Variants in CSF2RB observed in about 807,000 individuals in gnomAD.
The protein encoded by CSF2RB is colony stimulating factor 2 receptor subunit beta, also known as cytokine receptor common subunit beta.
CSF2RB carries 22 observed loss-of-function variants against 67.2 expected under a neutral mutation model. The ratio of observed to expected loss-of-function variants is 0.33; its 90% CI spans 0.23 to 0.47. The LOEUF is 0.47. Among genes scored for constraint, CSF2RB ranks in the 20% least tolerant of loss-of-function variants. CSF2RB has a pLI of 1.00. For missense variants in CSF2RB, 1,113 were observed against 1,174.5 expected (o/e 0.95, Z 0.76); for synonymous variants, 507 against 482.9 (o/e 1.05, Z -0.65).
In CSF2RB at chr22:36,938,449, G is replaced by T; in HGVS notation, c.2641G>T (p.Asp881Tyr). The change falls in exon 14 of 14, where the codon GAC becomes TAC. Residue 881 changes from aspartate (D) to tyrosine (Y), a missense_variant. Physicochemically the swap from Asp to Tyr is radical, Grantham distance 160. Coordinates refer to ENST00000403662, the MANE Select transcript of CSF2RB (RefSeq NM_000395.3). The stretch of plus-strand genomic sequence containing the variant: ...GCTCTTCAAAGCCCTGAAGCAGCAG[G>T]ACTACCTGTCTCTGCCCCCTTGGGA... ...IQLFKALKQQ[D>Y]YLSLPPWEVN... 1 of 1,614,148 alleles carries T rather than the reference G, an allele frequency of 6.2e-7. No homozygotes were observed. The highest frequency in any genetic ancestry group is 8.5e-7 in the Non-Finnish European group (1 of 1,180,020).
Position 36,937,304 on chromosome 22 carries a change from CAA to C in CSF2RB, c.1569-72_1569-71del. 6.4e-7 allele frequency: 1 copy of C among 1,574,450 alleles called. No individual in the cohort carries two copies. On this transcript the variant is annotated intron_variant, in intron 13 of 13. Transcript: ENST00000403662. This position sits in a 1 kb window ranked among gnomAD's most constrained non-coding sequence, Gnocchi z 4.6. ...TTCCAGAGAACCATCTCCACCCCAC[CAA>C]GACCCTTGTGCCTGACCCGGATCAT...
In CSF2RB at chr22:36,922,273, A is replaced by G. The variant is rs1169750427; in HGVS notation, c.66A>G (p.Ala22=). The stretch of plus-strand genomic sequence containing the variant: ...CCCTGTGCTGGGAGCGCAGCCTGGC[A>G]GGGGCAGAAGGTGAGTCCCGTGGCT... ...LLALCWERSL[A]GAEETIPLQT... The change falls in exon 2 of 14, where the codon GCA becomes GCG. Residue 22 remains alanine (A), a synonymous_variant. Transcript: ENST00000403662. 3.2e-6 allele frequency: 5 copies of G among 1,575,768 alleles called. No homozygotes were observed.
At position 36,939,159 on chromosome 22, in the gene CSF2RB, G is replaced by A. The variant is rs1941337519; in HGVS notation, c.*657G>A. 1 of 702,320 alleles carries A rather than the reference G, an allele frequency of 1.4e-6. No individual in the cohort carries two copies. The highest frequency in any genetic ancestry group is 2.6e-6 in the Non-Finnish European group (1 of 384,824). 43.5% of individuals were successfully genotyped at this position (702,320 alleles called of 1,614,324 possible). A position where few individuals can be genotyped will look rare whatever the true frequency, so the allele number is the denominator to read the frequency against. ...GGGGGGCGGTGCAAGGGACGCACATGAGAGACTGTTTGGGAGCTTCTGGGG... is the reference window on the plus strand; with the variant it reads ...GGGGGGCGGTGCAAGGGACGCACATAAGAGACTGTTTGGGAGCTTCTGGGG... On this transcript the variant is annotated 3_prime_UTR_variant, in exon 14 of 14. Coordinates refer to ENST00000403662, the MANE Select transcript of CSF2RB (RefSeq NM_000395.3).
Position 36,938,057 on chromosome 22 carries a change from G to A in CSF2RB, c.2249G>A (p.Ser750Asn). 4.3e-6 allele frequency: 7 copies of A among 1,614,106 alleles called. No individual in the cohort carries two copies. The highest frequency in any genetic ancestry group is 5.9e-6 in the Non-Finnish European group (7 of 1,180,018). ...QTPSLCPGLA[S>N]GPPGAPGPVK... is the part of the protein sequence containing the mutation. Reference sequence around the variant, plus strand: ...CCCAGCTTATGTCCTGGGCTGGCCAGTGGACCCCCTGGAGCCCCAGGCCCT... The same window carrying A: ...CCCAGCTTATGTCCTGGGCTGGCCAATGGACCCCCTGGAGCCCCAGGCCCT... Residue 750 changes from serine (S) to asparagine (N), a missense_variant, in exon 14 of 14, where the codon AGT becomes AAT. This residue lies in a region of CSF2RB where 554 missense variants were observed against 517.9 expected (regional missense o/e 1.07). Coordinates refer to ENST00000403662, the MANE Select transcript of CSF2RB (RefSeq NM_000395.3).
chr22:36,916,960 C>T (rs528667812), intron 1 of CSF2RB, among the ~76,000 whole-genome samples: 1 of 152,272 alleles, frequency 6.6e-6, no homozygotes, highest in East Asian at 1.9e-4. Context: ...GGACATTGAC[C>T]ACTGGAAGTA....
rs373144953 is a variant in CSF2RB, at chr22:36,932,789, A to G, written c.1037A>G (p.Asn346Ser). The change falls in exon 9 of 14, where the codon AAC becomes AGC. Residue 346 changes from asparagine (N) to serine (S), a missense_variant. Asn to Ser is a conservative substitution (Grantham distance 46, BLOSUM62 1). Coordinates refer to ENST00000403662, the MANE Select transcript of CSF2RB (RefSeq NM_000395.3). ...GTCCAGATGGCCCCTCCATCCCTCA[A>G]CGTGACCAAGGATGGAGACAGCTAC... ...VNIQMAPPSL[N>S]VTKDGDSYSL... 3.1e-6 allele frequency: 5 copies of G among 1,613,958 alleles called. No homozygotes were observed. The African/African-American group carries it at 4.0e-5, about 13-fold the overall frequency.
chr22:36,938,554 C>A lies in CSF2RB; in HGVS notation c.*52C>A. 6.5e-7 allele frequency: 1 copy of A among 1,546,508 alleles called. No homozygotes were observed. Among genetic ancestry groups the A allele is most frequent in the Non-Finnish European group, 8.7e-7 (1 of 1,144,892 alleles). On this transcript the variant is annotated 3_prime_UTR_variant, in exon 14 of 14. Coordinates refer to ENST00000403662, the MANE Select transcript of CSF2RB (RefSeq NM_000395.3). ...GATGGAGAGGGCTTGCCTTCCCTCC[C>A]GCCTGACCTTCCTCAGTCATTTCTG...
intron 3 of CSF2RB, 34 bp downstream of exon 3, chr22:36,923,401 G>A: frequency 6.2e-7 from 1 of 1,607,320 alleles, no homozygotes; most frequent in Non-Finnish European, 8.5e-7. Context: ...CCACGGGCAG[G>A]GGCTACGACG....
At chr22:36,914,031 G>A (rs1350192727) in intron 1 of CSF2RB, among the ~76,000 whole-genome samples, 2 of 152,068 alleles carry the variant, frequency 1.3e-5, no homozygotes, top group Admixed American at 6.5e-5. Context: ...GTCTGTCTTC[G>A]CTTTGTCACT....
chr22:36,918,373 T>C (rs4821565), intron 1 of CSF2RB, among the ~76,000 whole-genome samples: 64,959 of 152,098 alleles, frequency 0.43, 16,391 homozygotes, highest in East Asian at 0.57. Flanking sequence ...TTATGTGAAA[T>C]CTTTAGCCAA....
At chr22:36,914,824 A>G (rs2145761097) in intron 1 of CSF2RB, among the ~76,000 whole-genome samples, 1 of 152,220 alleles carries the variant, frequency 6.6e-6, no homozygotes, top group East Asian at 1.9e-4. Flanking sequence ...ATATTGTTCC[A>G]GTATACAGAT....
Position 36,929,646 on chromosome 22 carries a change from C to T in CSF2RB, c.557C>T (p.Ala186Val). Residue 186 changes from alanine (A) to valine (V), a missense_variant, in exon 6 of 14, where the codon GCC (alanine) becomes GTC (valine). Physicochemically the swap from Ala to Val is moderately conservative, Grantham distance 64. This residue lies in a region of CSF2RB where 559 missense variants were observed against 656.5 expected (regional missense o/e 0.85). Transcript: ENST00000403662. ...CCCACTGTCTCCTGACAGGACGCAG[C>T]CATCCTCCTCTCCAACACCTCCCAG... The part of the protein sequence containing the change: ...KRLQDSWEDA[A>V]ILLSNTSQAT... 1 of 1,614,232 alleles carries T rather than the reference C, an allele frequency of 6.2e-7. No homozygotes were observed.
rs755835897 is a variant in CSF2RB at position 36,936,573 on chromosome 22, C to T, written c.1489C>T (p.Pro497Ser). Residue 497 changes from proline (P) to serine (S), a missense_variant, in exon 13 of 14, where the codon CCA (proline) becomes TCA (serine). Around this residue, in one of 2 missense-constraint regions of CSF2RB, gnomAD observed 554 missense variants for 517.9 expected, o/e 1.07. Coordinates refer to ENST00000403662, the MANE Select transcript of CSF2RB (RefSeq NM_000395.3). Reference sequence around the variant, plus strand: ...GAACGGGAGCGCAGAGCTTTGGCCCCCAGGCAGCATGTCGGCCTTCACTAG... The same window carrying T: ...GAACGGGAGCGCAGAGCTTTGGCCCTCAGGCAGCATGTCGGCCTTCACTAG... Reference protein sequence around the residue: ...FQNGSAELWPPGSMSAFTSGS... With the variant: ...FQNGSAELWPSGSMSAFTSGS... 15 of 1,613,092 alleles carry T rather than the reference C, an allele frequency of 9.3e-6. No individual in the cohort carries two copies. Among genetic ancestry groups the T allele is most frequent in the Non-Finnish European group, 1.3e-5 (15 of 1,180,016 alleles).
intron 3 of CSF2RB, 107 bp downstream of exon 3, chr22:36,923,474 G>C: frequency 1.3e-6 from 2 of 1,491,216 alleles, no homozygotes; most frequent in South Asian, 2.4e-5. Context: ...CCTCGGGGTG[G>C]GAGTGGACAG....
intron 1 of CSF2RB, among the ~76,000 whole-genome samples, chr22:36,920,000 G>A (rs1257385626): frequency 2.6e-5 from 4 of 152,154 alleles, no homozygotes; most frequent in African/African-American, 9.7e-5. Flanking sequence ...AGCCCACTGC[G>A]GGCTCGAATC....
At chr22:36,922,400 C>A in intron 2 of CSF2RB, 117 bp downstream of exon 2, 1 of 943,532 alleles carries the variant, frequency 1.1e-6, no homozygotes, top group Non-Finnish European at 1.7e-6. Context: ...GCTCCCCTCC[C>A]TCTGTCTCTC....
intron 1 of CSF2RB, among the ~76,000 whole-genome samples, chr22:36,915,051 A>G (rs1418568646): frequency 6.6e-6 from 1 of 152,072 alleles, no homozygotes; most frequent in Non-Finnish European, 1.5e-5. Flanking sequence ...TGATACAAGC[A>G]TATAGTTTTT....
chr22:36,924,322 C>G (rs1042072182), intron 3 of CSF2RB, among the ~76,000 whole-genome samples: 1 of 147,370 alleles, frequency 6.8e-6, no homozygotes, highest in Admixed American at 6.8e-5. Context: ...GGGCTCCTGT[C>G]TGAGGCCTGA....
At chr22:36,929,589 C>G in intron 5 of CSF2RB, 30 bp downstream of exon 5, 1 of 1,614,194 alleles carries the variant, frequency 6.2e-7, no homozygotes, top group Non-Finnish European at 8.5e-7. Flanking sequence ...CTGCCCCAGC[C>G]CGAAGGGATG....
Sources: gnomAD v4.1 joint callset for allele counts (sites outside exome capture counted in the v4.1 genomes callset) on GRCh38, gnomAD v4.1.1 for gene constraint, gnomAD v4.1.1 regional missense constraint, Gnocchi (gnomAD v3.1) non-coding constraint, MANE v1.5 for transcripts, NCBI Gene and HGNC (gene_info 2026-07-23, HGNC 2026-07-21) for gene names.